ZC4H2: variants seen among roughly 807,000 people sequenced by gnomAD.
ZC4H2 encodes zinc finger C4H2 domain-containing protein.
For synonymous variants in ZC4H2, 84 were observed against 66.3 expected (o/e 1.27, Z -1.30); for missense variants, 137 against 173.9 (o/e 0.79, Z 1.19).
chrX:65,004,247 C>T (rs1456242201), intron 1 of ZC4H2, among the ~76,000 whole-genome samples: 1 of 111,880 alleles, frequency 8.9e-6, no homozygotes, highest in Non-Finnish European at 1.9e-5. Context: ...CAACATCATC[C>T]TGATACCAAA....
At chrX:64,938,402 A>G (rs1323511625) in intron 1 of ZC4H2, among the ~76,000 whole-genome samples, 1 of 111,960 alleles carries the variant, frequency 8.9e-6, no homozygotes, top group Non-Finnish European at 1.9e-5. Context: ...TCCAAACAAC[A>G]GAAAAAGAGG....
intron 1 of ZC4H2, among the ~76,000 whole-genome samples, chrX:64,934,268 A>G (rs1405005116): frequency 8.9e-6 from 1 of 112,284 alleles, no homozygotes; most frequent in East Asian, 2.8e-4. Context: ...AATTTTTAAC[A>G]TTTTTACTCC....
rs190272314 is a variant in ZC4H2 at position 65,003,697 on chromosome X, G to A, written c.-272+30932C>T. Reference sequence around the variant, plus strand: ...TTGAGAACATCCTAGCTAACATGGCGAAACCCCGTCTCTATTAAAAATACA... The same window carrying A: ...TTGAGAACATCCTAGCTAACATGGCAAAACCCCGTCTCTATTAAAAATACA... On this transcript the variant is annotated intron_variant, in intron 1 of 4. Transcript: ENST00000337990. Among the ~76,000 whole-genome samples, 633 of 109,836 alleles carry A rather than the reference G, an allele frequency of 5.8e-3. 18 individuals carry two copies. The highest frequency in any genetic ancestry group is 0.051 in the Admixed American group (526 of 10,326).
intron 1 of ZC4H2, 193 bp from the exon 2 acceptor site, chrX:64,922,181 C>T (rs1411215234): frequency 2.7e-5 from 27 of 988,531 alleles, no homozygotes; most frequent in Non-Finnish European, 3.5e-5. Flanking sequence ...AAGACAGAGG[C>T]AGGAGGATCA....
At chrX:64,983,608 T>C (rs965649463) in intron 1 of ZC4H2, among the ~76,000 whole-genome samples, 4 of 112,024 alleles carry the variant, frequency 3.6e-5, no homozygotes, top group Non-Finnish European at 7.5e-5. Flanking sequence ...AAAATGACTG[T>C]AAATTTACTA....
intron 1 of ZC4H2, among the ~76,000 whole-genome samples, chrX:64,944,475 T>A (rs768486705): frequency 2.7e-5 from 3 of 111,616 alleles, no homozygotes; most frequent in Non-Finnish European, 5.6e-5. Flanking sequence ...CTTCTTTTGT[T>A]GGTAACCTGA....
At chrX:65,033,008 G>A (rs1298317806) in intron 1 of ZC4H2, among the ~76,000 whole-genome samples, 2 of 111,384 alleles carry the variant, frequency 1.8e-5, no homozygotes, top group Non-Finnish European at 3.8e-5. Context: ...AACTCCTGAC[G>A]TCAGGTGATC....
chrX:65,009,340 C>T (rs1335865169), intron 1 of ZC4H2, among the ~76,000 whole-genome samples: 1 of 110,449 alleles, frequency 9.1e-6, no homozygotes, highest in Non-Finnish European at 1.9e-5. Context: ...ACCTTACTGT[C>T]CAAGCCTTCT....
At chrX:64,921,311 T>C (rs1929185262) in intron 2 of ZC4H2, among the ~76,000 whole-genome samples, 1 of 112,028 alleles carries the variant, frequency 8.9e-6, no homozygotes, top group South Asian at 3.7e-4. Flanking sequence ...GCTGCTTGAA[T>C]AATTCCAAAG....
intron 1 of ZC4H2, among the ~76,000 whole-genome samples, chrX:64,953,210 T>TA (rs1456298092): frequency 1.8e-5 from 2 of 111,971 alleles, no homozygotes; most frequent in Non-Finnish European, 3.8e-5. Context: ...CCTAAAACCA[T>TA]AAAAACCTTA....
intron 1 of ZC4H2, among the ~76,000 whole-genome samples, chrX:64,973,008 C>G (rs1483690405): frequency 9.0e-6 from 1 of 111,597 alleles, no homozygotes; most frequent in Non-Finnish European, 1.9e-5. Flanking sequence ...GTTATGTCTT[C>G]TTGGTAGATT....
intron 1 of ZC4H2, among the ~76,000 whole-genome samples, chrX:64,952,295 G>A (rs1229640288): frequency 9.2e-6 from 1 of 108,572 alleles, no homozygotes; most frequent in Non-Finnish European, 1.9e-5. Context: ...CTCTTTTTTG[G>A]TTCCATATGA....
chrX:64,931,318 CT>C (rs1929731778), intron 1 of ZC4H2, among the ~76,000 whole-genome samples: 1 of 111,621 alleles, frequency 9.0e-6, no homozygotes, highest in Non-Finnish European at 1.9e-5. Context: ...TTTCATTTAT[CT>C]TTTGCATTGT....
intron 1 of ZC4H2, among the ~76,000 whole-genome samples, chrX:64,993,559 CA>C (rs778263286): frequency 1.8e-5 from 2 of 111,713 alleles, no homozygotes; most frequent in African/African-American, 6.5e-5. Flanking sequence ...CATGAGGAAG[CA>C]GGCTCTCACT....
At chrX:64,987,573 T>C (rs1036123301) in intron 1 of ZC4H2, among the ~76,000 whole-genome samples, 13 of 108,316 alleles carry the variant, frequency 1.2e-4, no homozygotes, top group African/African-American at 4.0e-4. Context: ...AAAGACCTCA[T>C]ATCTTATGCA....
intron 1 of ZC4H2, among the ~76,000 whole-genome samples, chrX:64,952,877 C>T (rs1428350910): frequency 9.0e-6 from 1 of 111,127 alleles, no homozygotes; most frequent in South Asian, 3.8e-4. Context: ...AACCCTAAGC[C>T]AAAAGAACAA....
intron 1 of ZC4H2, among the ~76,000 whole-genome samples, chrX:64,942,929 AT>A (rs1420505053): frequency 8.9e-6 from 1 of 111,845 alleles, no homozygotes; most frequent in African/African-American, 3.2e-5. Flanking sequence ...GGTTGAACTA[AT>A]TTACACTCCC....
chrX:64,918,032 A>C, intron 4 of ZC4H2, 136 bp from the exon 5 acceptor site: 9 of 727,996 alleles, frequency 1.2e-5, no homozygotes, highest in Non-Finnish European at 1.6e-5. Context: ...GAGTAGACTC[A>C]AGTATTCTTG....
chrX:64,954,992 T>C (rs1435352160), intron 1 of ZC4H2, among the ~76,000 whole-genome samples: 4 of 111,819 alleles, frequency 3.6e-5, no homozygotes, highest in Non-Finnish European at 7.5e-5. Flanking sequence ...AAGCATGGAC[T>C]CATGGAGAAG....
Sources: allele counts gnomAD v4.1 joint callset (sites outside exome capture counted in the v4.1 genomes callset), GRCh38; gene constraint gnomAD v4.1.1; transcripts MANE v1.5; gene names NCBI Gene and HGNC (gene_info 2026-07-23, HGNC 2026-07-21).